DDX4: variants seen among roughly 807,000 people sequenced by gnomAD.
DDX4 encodes probable ATP-dependent RNA helicase DDX4.
In DDX4, 25 loss-of-function variants were observed where a neutral mutation model predicts 100.0. The observed-to-expected ratio is 0.25, with a 90% CI of 0.18 to 0.35. The LOEUF (loss-of-function observed/expected upper bound fraction) is 0.35. Among genes scored for constraint, DDX4 ranks in the 10% least tolerant of loss-of-function variants. DDX4 has a pLI of 1.00. For synonymous variants in DDX4, 259 were observed against 275.7 expected (o/e 0.94, Z 0.60); for missense variants, 635 against 882.4 (o/e 0.72, Z 3.55).
intron 6 of DDX4, among the ~76,000 whole-genome samples, chr5:55,765,413 A>AAATATATAT (rs1392558099): frequency 2.9e-4 from 24 of 83,004 alleles, no homozygotes; most frequent in Admixed American, 8.5e-4. Flanking sequence ...AAAAAAAAAA[A>AAATATATAT]ATATATATAT....
At chr5:55,812,318 T>C (rs1323630727) in intron 18 of DDX4, among the ~76,000 whole-genome samples, 1 of 152,130 alleles carries the variant, frequency 6.6e-6, no homozygotes, top group Non-Finnish European at 1.5e-5. Flanking sequence ...TCCCAGCACT[T>C]TGGGAGGCCG....
intron 16 of DDX4, among the ~76,000 whole-genome samples, chr5:55,792,090 C>T (rs190216286): frequency 3.0e-3 from 417 of 139,678 alleles, no homozygotes; most frequent in African/African-American, 0.011. Flanking sequence ...TGCCACTGCA[C>T]TCCAGCCTGG....
chr5:55,797,104 A>G (rs537745442), intron 17 of DDX4, among the ~76,000 whole-genome samples: 6 of 152,178 alleles, frequency 3.9e-5, no homozygotes, highest in Admixed American at 3.3e-4. Flanking sequence ...TTGGCCTTCC[A>G]AAGTGCTAGG....
At chr5:55,807,287 C>G (rs186992700) in intron 18 of DDX4, among the ~76,000 whole-genome samples, 18 of 152,234 alleles carry the variant, frequency 1.2e-4, no homozygotes, top group African/African-American at 4.3e-4. Flanking sequence ...GTTTGCCAGT[C>G]TTTGTCTTTT....
intron 18 of DDX4, among the ~76,000 whole-genome samples, chr5:55,813,014 TCTC>T (rs1202827169): frequency 6.6e-6 from 1 of 152,094 alleles, no homozygotes; most frequent in African/African-American, 2.4e-5. Flanking sequence ...TTATCTTTCT[TCTC>T]CAACATTTTA....
At chr5:55,755,219 A>G (rs1759849844) in intron 3 of DDX4, among the ~76,000 whole-genome samples, 1 of 152,160 alleles carries the variant, frequency 6.6e-6, no homozygotes, top group East Asian at 1.9e-4. Flanking sequence ...TAGTAGAAAT[A>G]ACAAACATCT....
In DDX4 at chr5:55,792,017, G is replaced by A. The variant is rs141296879; in HGVS notation, c.1303-624G>A. Among the ~76,000 whole-genome samples, 19 of 151,550 alleles carry A rather than the reference G, an allele frequency of 1.3e-4. 1 individual carries two copies. In the East Asian group the frequency reaches 3.4e-3, roughly 27 times the overall value. On this transcript the variant is annotated intron_variant, in intron 16 of 21. Coordinates refer to ENST00000505374, the MANE Select transcript of DDX4 (RefSeq NM_024415.3). ...CATGTGCCTGTAGCCCCAGCTACTT[G>A]GGAGGCTGAGGCAGGAGAATCACTT...
Position 55,763,075 on chromosome 5 carries a change from G to A in DDX4, c.206-100G>A. On this transcript the variant is annotated intron_variant, in intron 4 of 21. Coordinates refer to ENST00000505374, the MANE Select transcript of DDX4 (RefSeq NM_024415.3). ...TCTGTGCTACTCTTTTCCCATCCTT[G>A]GAAGTCTCTTTACGCCAGAAATTCA... 3 of 752,774 alleles carry A rather than the reference G, an allele frequency of 4.0e-6. No homozygotes were observed. The South Asian group carries it at 5.3e-5, about 13-fold the overall frequency. The allele number at this position is 752,774 out of a possible 1,614,324, so 46.6% of individuals were successfully genotyped here. A position where few individuals can be genotyped will look rare whatever the true frequency, so the allele number is the denominator to read the frequency against.
At chr5:55,778,944 TCTAA>T (rs1296680719) in intron 7 of DDX4, among the ~76,000 whole-genome samples, 1 of 151,346 alleles carries the variant, frequency 6.6e-6, no homozygotes, top group African/African-American at 2.4e-5. Flanking sequence ...TTCGTAAAAC[TCTAA>T]CATAACACTA....
rs921616755 is a variant in DDX4, at chr5:55,767,018, A to G, written c.335-863A>G. 24 of 1,495,178 alleles carry G rather than the reference A, an allele frequency of 1.6e-5. No homozygotes were observed. In the African/African-American group the frequency reaches 2.7e-4, roughly 17 times the overall value. The allele number at this position is 1,495,178 out of a possible 1,614,324, so 92.6% of individuals were successfully genotyped here. On this transcript the variant is annotated intron_variant, in intron 6 of 21. Coordinates refer to ENST00000505374, the MANE Select transcript of DDX4 (RefSeq NM_024415.3). The stretch of plus-strand genomic sequence containing the variant: ...GTAATCTCTCATACTACTATTTTAA[A>G]ACTCTGGGAATGTTACTTACTAATA...
chr5:55,810,208 G>A (rs1273864261), intron 18 of DDX4, among the ~76,000 whole-genome samples: 3 of 151,918 alleles, frequency 2.0e-5, no homozygotes, highest in Non-Finnish European at 2.9e-5. Context: ...GGGTTCAAGC[G>A]ATTCTCCTCC....
intron 12 of DDX4, 94 bp from the exon 13 acceptor site, chr5:55,785,635 T>C (rs1274861396): frequency 1.5e-6 from 2 of 1,314,740 alleles, no homozygotes; most frequent in African/African-American, 3.0e-5. Context: ...TTCCATAGTA[T>C]TTAAAATTTG....
At chr5:55,806,228 G>A (rs1743702841) in intron 18 of DDX4, among the ~76,000 whole-genome samples, 1 of 151,782 alleles carries the variant, frequency 6.6e-6, no homozygotes, top group Admixed American at 6.6e-5. Context: ...TTCTTTATTA[G>A]TCTTGCTAGC....
At position 55,781,914 on chromosome 5, in the gene DDX4, T is replaced by G. The variant is rs757751723; in HGVS notation, c.578-20T>G. The G allele has an allele frequency of 5.6e-6, 9 of 1,613,770 alleles. No homozygotes were observed. The South Asian group carries it at 9.9e-5, about 18-fold the overall frequency. On this transcript the variant is annotated intron_variant, in intron 9 of 21. Coordinates refer to ENST00000505374, the MANE Select transcript of DDX4 (RefSeq NM_024415.3). ...GCAGCTGTGTTTTATCTAAATATGTTGTGAAACAATGCCTTACAGGTAATG... is the reference window on the plus strand; with the variant it reads ...GCAGCTGTGTTTTATCTAAATATGTGGTGAAACAATGCCTTACAGGTAATG...
chr5:55,777,282 T>C (rs973962274), intron 7 of DDX4, among the ~76,000 whole-genome samples: 5 of 152,088 alleles, frequency 3.3e-5, no homozygotes, highest in African/African-American at 1.2e-4. Flanking sequence ...GTAATCATAA[T>C]ATAGGTAAGC....
intron 21 of DDX4, 27 bp downstream of exon 21, chr5:55,815,450 T>C (rs778874965): frequency 6.3e-7 from 1 of 1,594,542 alleles, no homozygotes; most frequent in Non-Finnish European, 8.5e-7. Flanking sequence ...ACTTGAGAAC[T>C]TGTCTTCTAG....
intron 17 of DDX4, among the ~76,000 whole-genome samples, chr5:55,796,732 C>T (rs937723403): frequency 6.6e-5 from 10 of 151,404 alleles, no homozygotes; most frequent in African/African-American, 1.5e-4. Context: ...GAATGCCTTT[C>T]CACAATCATT....
At chr5:55,797,169 G>C (rs1580590891) in intron 17 of DDX4, among the ~76,000 whole-genome samples, 1 of 152,160 alleles carries the variant, frequency 6.6e-6, no homozygotes, top group East Asian at 1.9e-4. Flanking sequence ...TTTCTAAATA[G>C]ACATCATTTC....
At chr5:55,757,381 G>T (rs1760007515) in intron 3 of DDX4, among the ~76,000 whole-genome samples, 1 of 152,142 alleles carries the variant, frequency 6.6e-6, no homozygotes, top group African/African-American at 2.4e-5. Context: ...TTCCATTCCT[G>T]AGTTAATTCA....
Sources: gnomAD v4.1 joint callset for allele counts (sites outside exome capture counted in the v4.1 genomes callset) on GRCh38, gnomAD v4.1.1 for gene constraint, MANE v1.5 for transcripts, NCBI Gene and HGNC (gene_info 2026-07-23, HGNC 2026-07-21) for gene names.